The following FBXW4 variants were observed in gnomAD, a reference collection of about 807,000 sequenced individuals.
The protein encoded by FBXW4 is F-box/WD repeat-containing protein 4.
Under a neutral mutation model 61.8 loss-of-function variants are expected in FBXW4, and 40 were observed. The observed-to-expected ratio is 0.65, with a 90% CI of 0.50 to 0.84. FBXW4 has a LOEUF of 0.84. Among genes scored for constraint, FBXW4 ranks in the 40% least tolerant of loss-of-function variants. The probability of loss-of-function intolerance (pLI) is 0.00; values close to 1 mark genes in which losing one functional copy is unlikely to be tolerated. For synonymous variants in FBXW4, 311 were observed against 313.8 expected (o/e 0.99, Z 0.10); for missense variants, 672 against 753.8 (o/e 0.89, Z 1.27).
At position 101,611,400 on chromosome 10, in the gene FBXW4, A is replaced by G; in HGVS notation, c.1595T>C (p.Leu532Pro). ...AGGGCTGCTGAGGGGAGTCGACGTC[A>G]GCGGGAAGGCCTGGAAGGGAGGGCA... Reference protein sequence around the residue: ...RQRACLHAFPLTSTPLSSPVY... With the variant: ...RQRACLHAFPPTSTPLSSPVY... Residue 532 changes from leucine (L) to proline (P), a missense_variant, in exon 9 of 9, where the codon CTG (leucine) becomes CCG (proline). Leu to Pro is a moderately conservative substitution (Grantham distance 98, BLOSUM62 -3). Transcript: ENST00000331272. This position sits in a 1 kb window ranked among gnomAD's most constrained non-coding sequence, Gnocchi z 4.9. 6.2e-7 allele frequency: 1 copy of G among 1,613,726 alleles called. No individual in the cohort carries two copies. Among genetic ancestry groups the G allele is most frequent in the Non-Finnish European group, 8.5e-7 (1 of 1,179,834 alleles).
chr10:101,652,221 A>T (rs1381508179), intron 5 of FBXW4, among the ~76,000 whole-genome samples: 5 of 145,784 alleles, frequency 3.4e-5, no homozygotes, highest in Admixed American at 6.9e-5. Flanking sequence ...ATATCTCTTT[A>T]AAAAAAAAAA....
intron 5 of FBXW4, 36 bp downstream of exon 5, chr10:101,667,849 TA>T (rs773483123): frequency 6.4e-7 from 1 of 1,551,732 alleles, no homozygotes; most frequent in Non-Finnish European, 8.9e-7. Context: ...AGCATTATTA[TA>T]CAGGACAAAA....
chr10:101,622,475 C>G (rs2063874209), intron 6 of FBXW4, among the ~76,000 whole-genome samples: 1 of 152,170 alleles, frequency 6.6e-6, no homozygotes. Context: ...CGCCTGTAAT[C>G]CCAGCACTTT....
intron 5 of FBXW4, among the ~76,000 whole-genome samples, chr10:101,666,204 T>G (rs1421607082): frequency 6.6e-6 from 1 of 152,152 alleles, no homozygotes; most frequent in Non-Finnish European, 1.5e-5. Flanking sequence ...CTTCCCTCTT[T>G]CCTACGATTG....
chr10:101,672,214 C>T (rs2064364350), intron 4 of FBXW4, among the ~76,000 whole-genome samples: 1 of 152,238 alleles, frequency 6.6e-6, no homozygotes. Flanking sequence ...CCCACAGCAA[C>T]CCTAAAGGAC....
chr10:101,639,859 C>G (rs376507145), intron 5 of FBXW4, among the ~76,000 whole-genome samples: 9 of 152,368 alleles, frequency 5.9e-5, no homozygotes, highest in Admixed American at 5.2e-4. Context: ...TATTTCAGTT[C>G]TGCCTTTGGC....
chr10:101,695,150 C>T lies in FBXW4; in HGVS notation c.-45G>A. ...CCGACGCGGAGCCCAGCCCGAGCCG[C>T]CACCGCCGCCGCCCCGGGAGGAGGC... is the stretch of plus-strand genomic sequence containing the variant. On this transcript the variant is annotated 5_prime_UTR_variant, in exon 1 of 9. Transcript: ENST00000331272. This position sits in a 1 kb window ranked among gnomAD's most constrained non-coding sequence, Gnocchi z 4.2. 1 of 985,284 alleles carries T rather than the reference C, an allele frequency of 1.0e-6. No homozygotes were observed. The highest frequency in any genetic ancestry group is 1.2e-6 in the Non-Finnish European group (1 of 830,038). 61.0% of individuals were successfully genotyped at this position (985,284 alleles called of 1,614,324 possible). A position where few individuals can be genotyped will look rare whatever the true frequency, so the allele number is the denominator to read the frequency against.
chr10:101,611,321 G>C lies in FBXW4; in HGVS notation c.1674C>G (p.Asn558Lys). The C allele has an allele frequency of 6.2e-7, 1 of 1,614,148 alleles. No homozygotes were observed. Among genetic ancestry groups the C allele is most frequent in the South Asian group, 1.1e-5 (1 of 91,070 alleles). Residue 558 changes from asparagine (N) to lysine (K), a missense_variant, in exon 9 of 9, where the codon AAC becomes AAG. Asn to Lys is a moderately conservative substitution (Grantham distance 94). Transcript: ENST00000331272. This position sits in a 1 kb window ranked among gnomAD's most constrained non-coding sequence, Gnocchi z 4.9. ...TKHLYAALSY[N>K]LHVLDFQNP ...GGTTTTGAAAATCCAGGACGTGGAG[G>C]TTGTAAGACAGGGCAGCATAGAGAT...
intron 4 of FBXW4, among the ~76,000 whole-genome samples, chr10:101,669,879 C>T (rs1174407163): frequency 2.0e-5 from 3 of 152,018 alleles, no homozygotes; most frequent in African/African-American, 4.8e-5. Flanking sequence ...CTCAGCCTCC[C>T]GAGTAGCTGG....
intron 5 of FBXW4, among the ~76,000 whole-genome samples, chr10:101,637,168 G>A: frequency 6.6e-6 from 1 of 150,514 alleles, no homozygotes. Flanking sequence ...CGGATCACGA[G>A]GTCAGGAGAT....
intron 5 of FBXW4, among the ~76,000 whole-genome samples, chr10:101,635,842 GAA>G (rs764437277): frequency 8.3e-6 from 1 of 121,074 alleles, no homozygotes; most frequent in Non-Finnish European, 1.7e-5. Context: ...CCCGGTCTCA[GAA>G]AAAAAAAAAA....
intron 5 of FBXW4, among the ~76,000 whole-genome samples, chr10:101,637,874 C>T (rs370392619): frequency 7.9e-5 from 12 of 151,994 alleles, no homozygotes; most frequent in African/African-American, 2.4e-4. Flanking sequence ...AAGTCGACCC[C>T]GTAATCACTA....
chr10:101,694,183 C>T lies in FBXW4; in HGVS notation c.725+198G>A, dbSNP rs895268121. Among the ~76,000 whole-genome samples, 6 of 152,134 alleles carry T rather than the reference C, an allele frequency of 3.9e-5. No homozygotes were observed. Among genetic ancestry groups the T allele is most frequent in the Admixed American group, 2.0e-4 (3 of 15,266 alleles). ...CTGAGGGATGCTCTCGGGAGGCTGCCTCAGATGGAGGCCTTGGGGAGGAGG... is the reference window on the plus strand; with the variant it reads ...CTGAGGGATGCTCTCGGGAGGCTGCTTCAGATGGAGGCCTTGGGGAGGAGG... On this transcript the variant is annotated intron_variant, in intron 1 of 8. Transcript: ENST00000331272. This position sits in a 1 kb window ranked among gnomAD's most constrained non-coding sequence, Gnocchi z 6.0.
At chr10:101,626,291 A>G (rs1184478070) in intron 5 of FBXW4, 1 of 152,722 alleles carries the variant, frequency 6.5e-6, no homozygotes, top group African/African-American at 2.4e-5. Context: ...GATACTGAAG[A>G]ACCAAACTAC....
At chr10:101,616,942 A>G (rs2063829899) in intron 6 of FBXW4, among the ~76,000 whole-genome samples, 1 of 152,266 alleles carries the variant, frequency 6.6e-6, no homozygotes, top group Admixed American at 6.5e-5. Context: ...ATAAAGGCAG[A>G]GCTCCTGGAA....
At chr10:101,615,102 G>A (rs994702264) in intron 6 of FBXW4, among the ~76,000 whole-genome samples, 9 of 152,082 alleles carry the variant, frequency 5.9e-5, no homozygotes, top group Non-Finnish European at 8.8e-5. Flanking sequence ...TTTGTATAAC[G>A]TGGTGACCCC....
intron 4 of FBXW4, among the ~76,000 whole-genome samples, chr10:101,672,155 A>T (rs2064363381): frequency 6.6e-6 from 1 of 152,192 alleles, no homozygotes; most frequent in Non-Finnish European, 1.5e-5. Flanking sequence ...AATACATAAC[A>T]AGACACTATT....
At chr10:101,684,878 G>C (rs2064518591) in intron 1 of FBXW4, among the ~76,000 whole-genome samples, 1 of 152,114 alleles carries the variant, frequency 6.6e-6, no homozygotes, top group Non-Finnish European at 1.5e-5. Context: ...CCAAAATTCA[G>C]AGTGAAGGGA....
In FBXW4 at chr10:101,632,753, T is replaced by C. The variant is rs149372893; in HGVS notation, c.1236-7943A>G. ...TGGCCCCTTAAACAACTGTTCCATG[T>C]GCTCCTAAAATAAAGAAATGGCAAG... On this transcript the variant is annotated intron_variant, in intron 5 of 8. Transcript: ENST00000331272. Among the ~76,000 whole-genome samples, 227 of 152,304 alleles carry C rather than the reference T, an allele frequency of 1.5e-3. 1 individual carries two copies. In the Middle Eastern group the frequency reaches 0.017, roughly 11 times the overall value.
Sources: allele counts gnomAD v4.1 joint callset (sites outside exome capture counted in the v4.1 genomes callset), GRCh38; gene constraint gnomAD v4.1.1; non-coding constraint Gnocchi (gnomAD v3.1); transcripts MANE v1.5; gene names NCBI Gene and HGNC (gene_info 2026-07-23, HGNC 2026-07-21).